The following CLIP2 variants were observed in gnomAD, a reference collection of about 807,000 sequenced individuals.
CLIP2 encodes CAP-Gly domain-containing linker protein 2.
CLIP2 carries 41 observed loss-of-function variants against 111.7 expected under a neutral mutation model. The observed-to-expected ratio is 0.37, with a 90% CI of 0.29 to 0.48. The LOEUF is 0.48. CLIP2 is among the 20% of genes least tolerant of loss of function. The pLI is 0.99. For synonymous variants in CLIP2, 660 were observed against 644.2 expected (o/e 1.02, Z -0.37); for missense variants, 1,160 against 1,422.1 (o/e 0.82, Z 2.96).
At chr7:74,387,756 C>T (rs942910612) in intron 12 of CLIP2, among the ~76,000 whole-genome samples, 2 of 152,192 alleles carry the variant, frequency 1.3e-5, no homozygotes, top group African/African-American at 2.4e-5. Context: ...TGTAAACACA[C>T]GTGTGATATC....
At chr7:74,311,722 C>T (rs1172000505) in intron 1 of CLIP2, among the ~76,000 whole-genome samples, 1 of 151,956 alleles carries the variant, frequency 6.6e-6, no homozygotes, top group Non-Finnish European at 1.5e-5. Context: ...CCAGCCTGGG[C>T]AATGTAGCTA....
intron 1 of CLIP2, among the ~76,000 whole-genome samples, chr7:74,293,712 C>T (rs1362622930): frequency 1.3e-5 from 2 of 152,156 alleles, no homozygotes; most frequent in Non-Finnish European, 2.9e-5. Flanking sequence ...AGCCATTGTG[C>T]CACAGGATGT....
chr7:74,346,403 A>C (rs1024166713), intron 3 of CLIP2, among the ~76,000 whole-genome samples: 4 of 152,184 alleles, frequency 2.6e-5, no homozygotes, highest in African/African-American at 9.6e-5. Flanking sequence ...TGAGGCTGCC[A>C]CTGGGGCCAG....
Position 74,360,255 on chromosome 7 carries a change from C to T in CLIP2, c.1296C>T (p.Ser432=), listed in dbSNP as rs1271542336. 3 of 1,603,010 alleles carry T rather than the reference C, an allele frequency of 1.9e-6. No individual in the cohort carries two copies. The African/African-American group carries it at 4.0e-5, about 21-fold the overall frequency. ...TGCGGAAAGAGAAGGTGGACCTGTC[C>T]AACCAGCTGGAGGAGGAGAGGAGGT... ...ESVRKEKVDL[S]NQLEEERRKV... is the part of the protein sequence containing the mutation. Residue 432 remains serine (S), a synonymous_variant, in exon 7 of 17, where the codon TCC becomes TCT. Coordinates refer to ENST00000223398, the MANE Select transcript of CLIP2 (RefSeq NM_003388.5).
intron 13 of CLIP2, among the ~76,000 whole-genome samples, chr7:74,390,329 A>G (rs1249537157): frequency 6.6e-6 from 1 of 152,158 alleles, no homozygotes; most frequent in Non-Finnish European, 1.5e-5. Flanking sequence ...TATATTTACC[A>G]TATTAGAATT....
chr7:74,333,424 T>C (rs1414101131), intron 2 of CLIP2, among the ~76,000 whole-genome samples: 1 of 151,992 alleles, frequency 6.6e-6, no homozygotes, highest in Non-Finnish European at 1.5e-5. Context: ...CCTCAGGTGA[T>C]CCACCCACCT....
At chr7:74,336,368 T>G (rs1343434394) in intron 2 of CLIP2, among the ~76,000 whole-genome samples, 2 of 152,058 alleles carry the variant, frequency 1.3e-5, no homozygotes, top group Non-Finnish European at 2.9e-5. Context: ...ATGCTCAGCA[T>G]GAGACTGGGT....
chr7:74,323,330 A>G (rs1584325255), intron 2 of CLIP2, among the ~76,000 whole-genome samples: 1 of 151,816 alleles, frequency 6.6e-6, no homozygotes, highest in East Asian at 1.9e-4. Flanking sequence ...CTCATTGGTC[A>G]TGAACTCTTG....
intron 16 of CLIP2, among the ~76,000 whole-genome samples, chr7:74,403,509 C>T (rs1441371735): frequency 5.3e-5 from 8 of 152,204 alleles, no homozygotes; most frequent in African/African-American, 1.9e-4. Context: ...TCGAAGGTTG[C>T]AGTGAGCTGA....
intron 15 of CLIP2, 126 bp from the exon 16 acceptor site, chr7:74,401,378 GC>G (rs1172174739): frequency 2.7e-5 from 22 of 824,474 alleles, no homozygotes; most frequent in Non-Finnish European, 4.4e-5. Flanking sequence ...GGTGCTGGGA[GC>G]CCCAGGCTGA....
chr7:74,318,121 A>G (rs1788839347), intron 2 of CLIP2, among the ~76,000 whole-genome samples: 2 of 152,020 alleles, frequency 1.3e-5, no homozygotes, highest in East Asian at 3.9e-4. Flanking sequence ...TCGCCTGGGC[A>G]ACAGAGTGAG....
intron 3 of CLIP2, among the ~76,000 whole-genome samples, chr7:74,347,592 C>G (rs1476380200): frequency 6.6e-6 from 1 of 152,190 alleles, no homozygotes; most frequent in Non-Finnish European, 1.5e-5. Flanking sequence ...CTAAGTCCCC[C>G]TTACCCCCAC....
intron 6 of CLIP2, among the ~76,000 whole-genome samples, chr7:74,358,771 A>C (rs893302441): frequency 6.7e-6 from 1 of 148,938 alleles, no homozygotes; most frequent in African/African-American, 2.5e-5. Flanking sequence ...GAGTCTTGCT[A>C]TGTTGCCCAG....
intron 10 of CLIP2, among the ~76,000 whole-genome samples, chr7:74,379,679 G>A (rs1168624276): frequency 1.3e-5 from 2 of 151,636 alleles, no homozygotes; most frequent in Admixed American, 6.6e-5. Context: ...CAGGAGAATC[G>A]CTTCAGAGTC....
At chr7:74,349,615 A>G (rs1052410264) in intron 3 of CLIP2, among the ~76,000 whole-genome samples, 13 of 150,874 alleles carry the variant, frequency 8.6e-5, no homozygotes, top group Non-Finnish European at 1.9e-4. Flanking sequence ...AAATGGCCAC[A>G]TATTGTGTGA....
chr7:74,367,989 G>T lies in CLIP2; in HGVS notation c.1380+3674G>T, dbSNP rs143284140. ...GCACTTTGGGAAGCCAAGGCGGGAG[G>T]ATTGATTAAGCCCAGAAGTTCGAGA... is the stretch of plus-strand genomic sequence containing the variant. On this transcript the variant is annotated intron_variant, in intron 8 of 16. Coordinates refer to ENST00000223398, the MANE Select transcript of CLIP2 (RefSeq NM_003388.5). 1.4e-3 allele frequency among the ~76,000 whole-genome samples: 211 copies of T among 152,316 alleles called. 1 individual carries two copies. The highest frequency in any genetic ancestry group is 4.8e-3 in the African/African-American group (201 of 41,574).
At chr7:74,362,152 A>AAAG (rs1220924962) in intron 7 of CLIP2, among the ~76,000 whole-genome samples, 1 of 151,460 alleles carries the variant, frequency 6.6e-6, no homozygotes, top group Non-Finnish European at 1.5e-5. Flanking sequence ...GCAGCCCTCC[A>AAAG]ACCAAAGACA....
At chr7:74,328,136 C>T (rs986493656) in intron 2 of CLIP2, among the ~76,000 whole-genome samples, 6 of 151,806 alleles carry the variant, frequency 4.0e-5, no homozygotes, top group African/African-American at 1.5e-4. Context: ...CCTCCCTGGT[C>T]GGGGTGGGCT....
chr7:74,335,821 C>T (rs1312315963), intron 2 of CLIP2, among the ~76,000 whole-genome samples: 1 of 151,354 alleles, frequency 6.6e-6, no homozygotes, highest in Non-Finnish European at 1.5e-5. Flanking sequence ...CGGCTCACTG[C>T]AACCTCCGAC....
Sources: allele counts gnomAD v4.1 joint callset (sites outside exome capture counted in the v4.1 genomes callset), GRCh38; gene constraint gnomAD v4.1.1; transcripts MANE v1.5; gene names NCBI Gene and HGNC (gene_info 2026-07-23, HGNC 2026-07-21).